NALCN: variants seen among roughly 807,000 people sequenced by gnomAD.
NALCN encodes the protein sodium leak channel NALCN.
Under a neutral mutation model 225.3 loss-of-function variants are expected in NALCN, and 111 were observed. That is an observed-to-expected ratio of 0.49 (90% CI 0.42 to 0.58). The LOEUF is 0.58. Among genes scored for constraint, NALCN ranks in the 20% least tolerant of loss-of-function variants. The probability of loss-of-function intolerance (pLI) is 0.00; values close to 1 mark genes in which losing one functional copy is unlikely to be tolerated. For missense variants in NALCN, 1,378 were observed against 2,202.4 expected, an observed-to-expected ratio of 0.63 and a Z score of 7.49; for synonymous variants, 764 against 769.0, an observed-to-expected ratio of 0.99 and a Z score of 0.11.
At chr13:101,116,569 G>A (rs773703746) in intron 18 of NALCN, 1 of 515,088 alleles carries the variant, frequency 1.9e-6, no homozygotes, top group Non-Finnish European at 3.9e-6. Flanking sequence ...CCCAGAACAA[G>A]GGTGTGGAAA....
intron 7 of NALCN, among the ~76,000 whole-genome samples, chr13:101,328,919 C>T (rs1166986686): frequency 6.6e-6 from 1 of 152,154 alleles, no homozygotes; most frequent in Non-Finnish European, 1.5e-5. Flanking sequence ...AGCTCTACCC[C>T]ATGACAGGTG....
chr13:101,412,136 G>T (rs2047807395), intron 1 of NALCN, among the ~76,000 whole-genome samples: 1 of 151,952 alleles, frequency 6.6e-6, no homozygotes, highest in African/African-American at 2.4e-5. Context: ...TAATTGTTTT[G>T]GTACATGATA....
Position 101,359,380 on chromosome 13 carries a change from C to T in NALCN, c.645-13960G>A, listed in dbSNP as rs1320328960. Among the ~76,000 whole-genome samples, 4 of 151,570 alleles carry T rather than the reference C, an allele frequency of 2.6e-5. 1 individual carries two copies. The highest frequency in any genetic ancestry group is 4.2e-4 in the South Asian group (2 of 4,802). The stretch of plus-strand genomic sequence containing the variant: ...TACAAATTACAGAACATGAAAGATA[C>T]GTGTATCTTGAGCTTCGCATAAAAC... On this transcript the variant is annotated intron_variant, in intron 6 of 43. Transcript: ENST00000251127.
At chr13:101,232,670 TCTC>T (rs1291118915) in intron 12 of NALCN, among the ~76,000 whole-genome samples, 9 of 151,930 alleles carry the variant, frequency 5.9e-5, no homozygotes, top group African/African-American at 2.2e-4. Context: ...ATGGTCTCGA[TCTC>T]CTGACCTCGT....
intron 6 of NALCN, among the ~76,000 whole-genome samples, chr13:101,372,310 G>A (rs1387554938): frequency 2.0e-5 from 3 of 152,050 alleles, no homozygotes; most frequent in African/African-American, 7.2e-5. Flanking sequence ...AAACCAAGAA[G>A]GATAGAAATA....
intron 7 of NALCN, among the ~76,000 whole-genome samples, chr13:101,296,116 T>C (rs1219662241): frequency 6.6e-6 from 1 of 152,256 alleles, no homozygotes; most frequent in Middle Eastern, 3.4e-3. Flanking sequence ...TGGCCCTTAG[T>C]ACTCCCAGAG....
At chr13:101,230,827 T>C (rs1214003332) in intron 12 of NALCN, among the ~76,000 whole-genome samples, 1 of 145,762 alleles carries the variant, frequency 6.9e-6, no homozygotes, top group Non-Finnish European at 1.6e-5. Flanking sequence ...TCTCTATATA[T>C]ACACGCATGT....
chr13:101,297,407 T>C (rs1311642127), intron 7 of NALCN, among the ~76,000 whole-genome samples: 2 of 152,210 alleles, frequency 1.3e-5, no homozygotes, highest in Non-Finnish European at 2.9e-5. Context: ...ACACTCAGAA[T>C]TTTTAAAAGA....
intron 11 of NALCN, among the ~76,000 whole-genome samples, chr13:101,239,976 G>A (rs1402830589): frequency 6.6e-6 from 1 of 151,930 alleles, no homozygotes; most frequent in East Asian, 1.9e-4. Context: ...GTAATTAAAT[G>A]TTACTGTCCG....
At chr13:101,272,833 G>A (rs1325640708) in intron 10 of NALCN, among the ~76,000 whole-genome samples, 2 of 152,198 alleles carry the variant, frequency 1.3e-5, no homozygotes, top group African/African-American at 4.8e-5. Context: ...GGTTCACGAA[G>A]AAGACAGTTT....
intron 7 of NALCN, among the ~76,000 whole-genome samples, chr13:101,294,406 A>T (rs1049997772): frequency 3.3e-5 from 5 of 152,182 alleles, no homozygotes; most frequent in African/African-American, 1.2e-4. Flanking sequence ...ATAATTACAC[A>T]TTTTATCCAT....
chr13:101,162,107 G>C (rs1259871052), intron 15 of NALCN, among the ~76,000 whole-genome samples: 1 of 152,124 alleles, frequency 6.6e-6, no homozygotes, highest in African/African-American at 2.4e-5. Context: ...TAGCTCTCCT[G>C]TAACTTTCTT....
chr13:101,214,703 A>C lies in NALCN; in HGVS notation c.1626+14690T>G, dbSNP rs138831807. On this transcript the variant is annotated intron_variant, in intron 13 of 43. Transcript: ENST00000251127. ...CTCTAGAGAATTTCCGATCTCTGCTAGACTTTGGTTTTTAATGTTGTGTCA... is the reference window on the plus strand; with the variant it reads ...CTCTAGAGAATTTCCGATCTCTGCTCGACTTTGGTTTTTAATGTTGTGTCA... Among the ~76,000 whole-genome samples the C allele has an allele frequency of 7.9e-5, 12 of 152,264 alleles. 1 individual carries two copies. Among genetic ancestry groups the C allele is most frequent in the Middle Eastern group, 3.4e-3 (1 of 294 alleles).
chr13:101,151,308 C>G (rs1298023299), intron 15 of NALCN, among the ~76,000 whole-genome samples: 2 of 152,190 alleles, frequency 1.3e-5, no homozygotes, highest in African/African-American at 4.8e-5. Flanking sequence ...TTAAAATATT[C>G]AAACATTATT....
chr13:101,136,638 CCTT>C (rs1369102014), intron 17 of NALCN, among the ~76,000 whole-genome samples: 1 of 152,178 alleles, frequency 6.6e-6, no homozygotes, highest in Non-Finnish European at 1.5e-5. Context: ...ATGAACTCAT[CCTT>C]TTTTATGACT....
chr13:101,368,969 G>A, intron 6 of NALCN: 1 of 347,646 alleles, frequency 2.9e-6, no homozygotes, highest in Non-Finnish European at 5.6e-6. Context: ...TCATGCCACT[G>A]CACTCCAGCC....
At position 101,392,862 on chromosome 13, in the gene NALCN, C is replaced by T. The variant is rs960702412; in HGVS notation, c.291+2321G>A. ...TTAATGTATAGAAACCAACAGCCTT[C>T]ATTTAAAAGAACAAGTTAGAACATG... is the stretch of plus-strand genomic sequence containing the variant. On this transcript the variant is annotated intron_variant, in intron 3 of 43. Coordinates refer to ENST00000251127, the MANE Select transcript of NALCN (RefSeq NM_052867.4). Among the ~76,000 whole-genome samples the T allele has an allele frequency of 3.9e-5, 6 of 152,250 alleles. 1 individual carries two copies. The highest frequency in any genetic ancestry group is 4.1e-4 in the South Asian group (2 of 4,826).
At chr13:101,349,546 T>C (rs1444633448) in intron 6 of NALCN, among the ~76,000 whole-genome samples, 3 of 152,148 alleles carry the variant, frequency 2.0e-5, no homozygotes, top group African/African-American at 2.4e-5. Flanking sequence ...ATGGCTGTGG[T>C]TGGAGAGAGA....
At chr13:101,115,894 A>G (rs1279822854) in intron 18 of NALCN, among the ~76,000 whole-genome samples, 1 of 152,158 alleles carries the variant, frequency 6.6e-6, no homozygotes, top group Non-Finnish European at 1.5e-5. Context: ...GTGGCTTCAT[A>G]TAAAAAACTG....
Sources: gnomAD v4.1 joint callset for allele counts (sites outside exome capture counted in the v4.1 genomes callset) on GRCh38, gnomAD v4.1.1 for gene constraint, MANE v1.5 for transcripts, NCBI Gene and HGNC (gene_info 2026-07-23, HGNC 2026-07-21) for gene names.